CALN1: variants seen among roughly 807,000 people sequenced by gnomAD.
CALN1 encodes the protein calneuron 1.
Under a neutral mutation model 30.6 loss-of-function variants are expected in CALN1, and 17 were observed. The observed-to-expected ratio is 0.56, with a 90% CI of 0.38 to 0.83. The LOEUF (loss-of-function observed/expected upper bound fraction) is 0.83. CALN1 is among the 40% of genes least tolerant of loss of function. The pLI, the probability that CALN1 is intolerant of heterozygous loss-of-function variation, is 0.00. For synonymous variants in CALN1, 156 were observed against 131.4 expected (o/e 1.19, Z -1.28); for missense variants, 291 against 354.9 (o/e 0.82, Z 1.45).
intron 5 of CALN1, among the ~76,000 whole-genome samples, chr7:71,900,430 C>T (rs562008218): frequency 2.0e-5 from 3 of 152,316 alleles, no homozygotes; most frequent in Non-Finnish European, 2.9e-5. Context: ...TGCCAAAAGA[C>T]TCCTAGATTT....
At position 71,818,835 on chromosome 7, in the gene CALN1, G is replaced by A. The variant is rs370471661; in HGVS notation, c.502-8343C>T. 2.0e-4 allele frequency among the ~76,000 whole-genome samples: 31 copies of A among 151,646 alleles called. No individual in the cohort carries two copies. The East Asian group carries it at 2.5e-3, about 12-fold the overall frequency. ...AGCGATTCTCCTGCCTCAGCCTCCC[G>A]AGTAGCTGGTATTACAGGTGTGCAC... On this transcript the variant is annotated intron_variant, in intron 5 of 6. Coordinates refer to ENST00000395275, the MANE Select transcript of CALN1 (RefSeq NM_031468.4).
intron 2 of CALN1, among the ~76,000 whole-genome samples, chr7:72,357,665 C>T (rs780989313): frequency 1.3e-5 from 2 of 151,506 alleles, no homozygotes; most frequent in East Asian, 3.9e-4. Context: ...GAAAAAACTC[C>T]CCATTATGAG....
intron 4 of CALN1, among the ~76,000 whole-genome samples, chr7:72,098,898 G>T (rs997013767): frequency 1.3e-5 from 2 of 151,866 alleles, no homozygotes; most frequent in African/African-American, 2.4e-5. Context: ...GGAATGTCTG[G>T]ATGGATCCGT....
intron 4 of CALN1, among the ~76,000 whole-genome samples, chr7:72,104,763 C>T (rs898690800): frequency 6.6e-6 from 1 of 152,084 alleles, no homozygotes; most frequent in Non-Finnish European, 1.5e-5. Flanking sequence ...TTGAGACCAT[C>T]CTGGCCAACA....
chr7:71,818,506 TAATTG>T (rs767774655), intron 5 of CALN1, among the ~76,000 whole-genome samples: 4 of 151,986 alleles, frequency 2.6e-5, no homozygotes, highest in African/African-American at 4.8e-5. Context: ...GTGAAAAGCT[TAATTG>T]TATTTTGTTT....
At chr7:71,943,339 G>A (rs981382143) in intron 5 of CALN1, among the ~76,000 whole-genome samples, 2 of 152,192 alleles carry the variant, frequency 1.3e-5, no homozygotes, top group Non-Finnish European at 2.9e-5. Flanking sequence ...ATGTAGCCTG[G>A]ATTCGAGTCC....
At chr7:72,185,710 C>T (rs1381164625) in intron 3 of CALN1, among the ~76,000 whole-genome samples, 2 of 152,088 alleles carry the variant, frequency 1.3e-5, no homozygotes, top group Admixed American at 6.6e-5. Flanking sequence ...ATCATGGGGG[C>T]GGTTTTCCCC....
At chr7:72,268,932 T>C (rs1348425984) in intron 3 of CALN1, among the ~76,000 whole-genome samples, 1 of 152,016 alleles carries the variant, frequency 6.6e-6, no homozygotes, top group African/African-American at 2.4e-5. Context: ...ACCAAATATA[T>C]GAGGCAACTG....
At chr7:72,205,569 T>TACAC (rs1562733784) in intron 3 of CALN1, among the ~76,000 whole-genome samples, 28 of 109,438 alleles carry the variant, frequency 2.6e-4, no homozygotes, top group African/African-American at 9.3e-4. Context: ...TATATATATG[T>TACAC]ATATATATAT....
rs535323091 is a variant in CALN1, at chr7:72,422,054, C to T, written c.-225-9779G>A. Among the ~76,000 whole-genome samples, 24 of 152,318 alleles carry T rather than the reference C, an allele frequency of 1.6e-4. No homozygotes were observed. The South Asian group carries it at 4.4e-3, about 28-fold the overall frequency. The stretch of plus-strand genomic sequence containing the variant: ...TCGACCCGCACTTAGGCTGGTTCCA[C>T]GTCTTGCAATTGTGAATTGTGCTGC... On this transcript the variant is annotated intron_variant, in intron 1 of 6. Transcript: ENST00000395276.
At chr7:71,810,928 C>T (rs1490113372) in intron 5 of CALN1, among the ~76,000 whole-genome samples, 2 of 141,440 alleles carry the variant, frequency 1.4e-5, no homozygotes, top group Non-Finnish European at 3.0e-5. Flanking sequence ...TAGAATCTTG[C>T]TCTTTCGCCC....
intron 3 of CALN1, among the ~76,000 whole-genome samples, chr7:72,261,255 C>T (rs1465094324): frequency 6.6e-6 from 1 of 152,060 alleles, no homozygotes; most frequent in Non-Finnish European, 1.5e-5. Flanking sequence ...TTGCAGTAAG[C>T]GGAGATCACG....
chr7:71,847,740 AAAGAAGAAGAAAGAAGAAAG>A (rs1790365374), intron 5 of CALN1, among the ~76,000 whole-genome samples: 1 of 111,606 alleles, frequency 9.0e-6, no homozygotes, highest in East Asian at 4.2e-4. Flanking sequence ...AAGAAAGAAG[AAAGAAGAAGAAAGAAGAAAG>A]AAGAAGAAGA....
chr7:71,812,105 G>A (rs946644067), intron 5 of CALN1, among the ~76,000 whole-genome samples: 1 of 152,138 alleles, frequency 6.6e-6, no homozygotes, highest in African/African-American at 2.4e-5. Flanking sequence ...AGAATTACAT[G>A]CCCCAGATAG....
intron 3 of CALN1, among the ~76,000 whole-genome samples, chr7:72,204,196 C>T (rs1424871960): frequency 2.0e-5 from 3 of 150,798 alleles, no homozygotes; most frequent in Non-Finnish European, 4.4e-5. Context: ...GGGGTTTCAC[C>T]GTGTTAGCCA....
At position 71,881,849 on chromosome 7, in the gene CALN1, G is replaced by T. The variant is rs139695096; in HGVS notation, c.502-71357C>A. ...GCACTTTGGGAGACGTAGGTGGGAG[G>T]ATTGCTTGAGGCCAGGAGTTTGAGG... On this transcript the variant is annotated intron_variant, in intron 5 of 6. Transcript: ENST00000395275. 3.8e-3 allele frequency among the ~76,000 whole-genome samples: 571 copies of T among 151,802 alleles called. 1 individual carries two copies. The highest frequency in any genetic ancestry group is 0.012 in the African/African-American group (513 of 41,344).
At chr7:72,121,141 TTA>T (rs894359330) in intron 3 of CALN1, among the ~76,000 whole-genome samples, 1 of 145,828 alleles carries the variant, frequency 6.9e-6, no homozygotes, top group Non-Finnish European at 1.5e-5. Context: ...TATATATGAA[TTA>T]TATATTATAT....
intron 3 of CALN1, among the ~76,000 whole-genome samples, chr7:72,140,174 G>C (rs369900287): frequency 3.9e-5 from 6 of 151,950 alleles, no homozygotes; most frequent in East Asian, 3.9e-4. Flanking sequence ...GGGAGACTGA[G>C]GCAAGAGGAT....
intron 2 of CALN1, among the ~76,000 whole-genome samples, chr7:72,361,754 T>G (rs1190205741): frequency 6.6e-6 from 1 of 152,184 alleles, no homozygotes; most frequent in Non-Finnish European, 1.5e-5. Flanking sequence ...AATAATCTAT[T>G]TCTTGATCTT....
Sources: allele counts gnomAD v4.1 joint callset (sites outside exome capture counted in the v4.1 genomes callset), GRCh38; gene constraint gnomAD v4.1.1; transcripts MANE v1.5; gene names NCBI Gene and HGNC (gene_info 2026-07-23, HGNC 2026-07-21).